The following SLIT2 variants were observed in gnomAD, a reference collection of about 807,000 sequenced individuals.
SLIT2 encodes the protein slit guidance ligand 2.
Under a neutral mutation model 185.7 loss-of-function variants are expected in SLIT2, and 41 were observed. The observed-to-expected ratio is 0.22, with a 90% confidence interval of 0.17 to 0.29. The LOEUF (loss-of-function observed/expected upper bound fraction) is 0.29. Ranked by LOEUF, SLIT2 falls within the 10% of genes least tolerant of loss-of-function variation. The probability of loss-of-function intolerance (pLI) is 1.00; values close to 1 mark genes in which losing one functional copy is unlikely to be tolerated. For synonymous variants in SLIT2, 693 were observed against 680.2 expected (o/e 1.02, Z -0.29); for missense variants, 1,571 against 1,909.0 (o/e 0.82, Z 3.30).
At chr4:20,599,836 A>G (rs1361408722) in intron 33 of SLIT2, among the ~76,000 whole-genome samples, 1 of 152,202 alleles carries the variant, frequency 6.6e-6, no homozygotes, top group Non-Finnish European at 1.5e-5. Flanking sequence ...ACTGGCCTGC[A>G]TGTTATTGAT....
chr4:20,510,901 T>A (rs1719637236), intron 10 of SLIT2, among the ~76,000 whole-genome samples, 165 bp from the exon 11 acceptor site: 1 of 152,162 alleles, frequency 6.6e-6, no homozygotes, highest in Admixed American at 6.5e-5. Context: ...TTAAAAAGTA[T>A]GATTTCTTTT....
chr4:20,436,804 A>C (rs1165959747), intron 4 of SLIT2, among the ~76,000 whole-genome samples: 1 of 152,188 alleles, frequency 6.6e-6, no homozygotes, highest in Non-Finnish European at 1.5e-5. Flanking sequence ...GGCCCTTTTC[A>C]GAAAAACTTT....
intron 26 of SLIT2, among the ~76,000 whole-genome samples, chr4:20,561,385 A>T (rs1724676595): frequency 6.6e-6 from 1 of 151,786 alleles, no homozygotes; most frequent in Admixed American, 6.6e-5. Context: ...TTGTAATATT[A>T]TTGTTTTTCT....
chr4:20,358,616 G>A (rs1235376817), intron 4 of SLIT2, among the ~76,000 whole-genome samples: 1 of 152,010 alleles, frequency 6.6e-6, no homozygotes, highest in African/African-American at 2.4e-5. Flanking sequence ...CTTAATCCGA[G>A]GAACCACCCT....
At chr4:20,256,544 T>C (rs2109006653) in intron 1 of SLIT2, 128 bp from the exon 2 acceptor site, 2 of 545,174 alleles carry the variant, frequency 3.7e-6, no homozygotes, top group Middle Eastern at 4.6e-4. Context: ...CCTCTTCTCC[T>C]TCCTACATAC....
At chr4:20,398,413 A>G (rs1003733792) in intron 4 of SLIT2, among the ~76,000 whole-genome samples, 2 of 151,826 alleles carry the variant, frequency 1.3e-5, no homozygotes, top group African/African-American at 4.8e-5. Context: ...AGAAATAGAG[A>G]CAGTTGCTAC....
Position 20,463,397 on chromosome 4 carries a change from T to C in SLIT2, c.396-4355T>C, listed in dbSNP as rs542599628. ...TGTGTCCTTGATTATCTTTCTCAGATACCACTCATAATTTACTTACCATAA... is the reference window on the plus strand; with the variant it reads ...TGTGTCCTTGATTATCTTTCTCAGACACCACTCATAATTTACTTACCATAA... On this transcript the variant is annotated intron_variant, in intron 4 of 36. Transcript: ENST00000504154. Among the ~76,000 whole-genome samples, 4 of 145,238 alleles carry C rather than the reference T, an allele frequency of 2.8e-5. No individual in the cohort carries two copies. In the East Asian group the frequency reaches 8.1e-4, roughly 30 times the overall value.
At chr4:20,606,046 G>GC (rs1728776495) in intron 33 of SLIT2, among the ~76,000 whole-genome samples, 3 of 152,106 alleles carry the variant, frequency 2.0e-5, no homozygotes, top group Non-Finnish European at 4.4e-5. Context: ...ACCACGCCTG[G>GC]CCCACTGCTT....
chr4:20,585,303 C>T (rs1466879229), intron 29 of SLIT2, among the ~76,000 whole-genome samples: 1 of 152,156 alleles, frequency 6.6e-6, no homozygotes, highest in Non-Finnish European at 1.5e-5. Flanking sequence ...AACATATATA[C>T]GTACACTCAG....
intron 4 of SLIT2, among the ~76,000 whole-genome samples, chr4:20,424,651 A>AGT (rs973564170): frequency 6.6e-6 from 1 of 152,136 alleles, no homozygotes; most frequent in Non-Finnish European, 1.5e-5. Context: ...TTTAATGCCA[A>AGT]GTGTGTCACT....
At chr4:20,554,946 T>C (rs1313996909) in intron 26 of SLIT2, among the ~76,000 whole-genome samples, 1 of 152,064 alleles carries the variant, frequency 6.6e-6, no homozygotes, top group East Asian at 1.9e-4. Context: ...ATTTTTGTAT[T>C]TTTAGTAGAG....
At chr4:20,463,910 A>G (rs1040883097) in intron 4 of SLIT2, among the ~76,000 whole-genome samples, 8 of 151,538 alleles carry the variant, frequency 5.3e-5, no homozygotes, top group African/African-American at 1.9e-4. Flanking sequence ...AACCATAATC[A>G]TAATTAGCAC....
intron 4 of SLIT2, among the ~76,000 whole-genome samples, chr4:20,357,661 A>T (rs769511272): frequency 6.6e-6 from 1 of 152,092 alleles, no homozygotes; most frequent in Non-Finnish European, 1.5e-5. Context: ...GTGATATAGG[A>T]TGTGAAAAGA....
chr4:20,600,100 A>C (rs1052815797), intron 33 of SLIT2, among the ~76,000 whole-genome samples: 1 of 152,172 alleles, frequency 6.6e-6, no homozygotes. Context: ...TCTTGCCTCA[A>C]TGTGTTTCAG....
At chr4:20,511,595 T>TTTTTTTTTTTTTTTTTTA (rs1211611464) in intron 11 of SLIT2, among the ~76,000 whole-genome samples, 1 of 137,830 alleles carries the variant, frequency 7.3e-6, no homozygotes, top group Non-Finnish European at 1.6e-5. Context: ...TAATTTTTTT[T>TTTTTTTTTTTTTTTTTTA]TTTTTTTTAT....
intron 21 of SLIT2, among the ~76,000 whole-genome samples, chr4:20,544,090 G>A (rs544365160): frequency 2.9e-4 from 44 of 152,000 alleles, no homozygotes; most frequent in African/African-American, 9.6e-4. Flanking sequence ...AAGTTAGTGG[G>A]TGCAGCAAAC....
intron 33 of SLIT2, among the ~76,000 whole-genome samples, chr4:20,608,624 T>G (rs893660686): frequency 6.6e-6 from 1 of 152,150 alleles, no homozygotes; most frequent in African/African-American, 2.4e-5. Context: ...AGAAAGAATG[T>G]CAAGTGTTTT....
intron 4 of SLIT2, among the ~76,000 whole-genome samples, chr4:20,280,448 T>C (rs556716170): frequency 1.3e-4 from 20 of 152,260 alleles, no homozygotes; most frequent in African/African-American, 4.6e-4. Context: ...ACTGGCTTTT[T>C]TTTGAGGATC....
chr4:20,285,245 T>C (rs1346073722), intron 4 of SLIT2, among the ~76,000 whole-genome samples: 1 of 152,186 alleles, frequency 6.6e-6, no homozygotes, highest in African/African-American at 2.4e-5. Flanking sequence ...ATGAGGCCTA[T>C]GACATTGGAA....
Sources: gnomAD v4.1 joint callset for allele counts (sites outside exome capture counted in the v4.1 genomes callset) on GRCh38, gnomAD v4.1.1 for gene constraint, MANE v1.5 for transcripts, NCBI Gene and HGNC (gene_info 2026-07-23, HGNC 2026-07-21) for gene names.